TMEM134: variants seen among roughly 807,000 people sequenced by gnomAD.
The protein encoded by TMEM134 is transmembrane protein 134.
TMEM134 carries 36 observed loss-of-function variants against 26.2 expected under a neutral mutation model. The ratio of observed to expected loss-of-function variants is 1.37; its 90% confidence interval spans 1.05 to 1.81. The LOEUF is 1.81. Among genes scored for constraint, TMEM134 ranks in the 40% most tolerant of loss-of-function variants. The probability of loss-of-function intolerance (pLI) is 0.00; values close to 1 mark genes in which losing one functional copy is unlikely to be tolerated. For synonymous variants in TMEM134, 133 were observed against 113.6 expected (o/e 1.17, Z -1.08); for missense variants, 339 against 263.5 (o/e 1.29, Z -1.98).
In TMEM134 at chr11:67,464,460, AG is replaced by A. The variant is rs1002885028; in HGVS notation, c.*153del. 28 of 742,070 alleles carry A rather than the reference AG, an allele frequency of 3.8e-5. 1 individual carries two copies. The South Asian group carries it at 3.9e-4, about 10-fold the overall frequency. The allele number at this position is 742,070 out of a possible 1,614,324, so 46.0% of individuals were successfully genotyped here. ...AGAGCAGGCGACGGGCGGCTTTCCC[AG>A]GGCCAGGCCTGCATGCCCCGAACTT... On this transcript the variant is annotated 3_prime_UTR_variant, in exon 7 of 7. Transcript: ENST00000308022.
At chr11:67,465,274 A>G in intron 4 of TMEM134, 174 bp from the exon 5 acceptor site, 1 of 1,442,914 alleles carries the variant, frequency 6.9e-7, no homozygotes, top group Non-Finnish European at 9.1e-7. Context: ...GGCCCTGGGA[A>G]GTGTGTGAAA....
chr11:67,467,717 T>C, intron 2 of TMEM134, 127 bp from the exon 3 acceptor site: 1 of 912,394 alleles, frequency 1.1e-6, no homozygotes. Flanking sequence ...TAGTGGGCCC[T>C]GAGAGGCCTC....
rs1299652694 is a variant in TMEM134 at position 67,469,164 on chromosome 11, A to G, written c.29T>C (p.Ile10Thr). MSAARPQFSIDDAFELSLED... is the reference protein window; with the variant it reads MSAARPQFSTDDAFELSLED... ...CAGGGACAGCTCGAAGGCATCATCA[A>G]TGCTGAACTGGGGCCGGGCGGCGCT... The change falls in exon 1 of 7, where the codon ATT (isoleucine) becomes ACT (threonine). Residue 10 changes from isoleucine to threonine, a missense_variant. By Grantham distance (89) the Ile-to-Thr change is moderately conservative. Coordinates refer to ENST00000308022, the MANE Select transcript of TMEM134 (RefSeq NM_025124.4). 6 of 1,408,606 alleles carry G rather than the reference A, an allele frequency of 4.3e-6. No homozygotes were observed. Among genetic ancestry groups the G allele is most frequent in the East Asian group, 6.2e-5 (2 of 32,442 alleles). 87.3% of individuals were successfully genotyped at this position (1,408,606 alleles called of 1,614,324 possible).
intron 4 of TMEM134, 146 bp from the exon 5 acceptor site, chr11:67,465,246 A>C: frequency 6.6e-7 from 1 of 1,518,276 alleles, no homozygotes; most frequent in Non-Finnish European, 8.8e-7. Context: ...CTCTGTTTCC[A>C]GAGCAAGGCA....
At position 67,464,612 on chromosome 11, in the gene TMEM134, G is replaced by T; in HGVS notation, c.*2C>A. 1 of 1,552,014 alleles carries T rather than the reference G, an allele frequency of 6.4e-7. No individual in the cohort carries two copies. The highest frequency in any genetic ancestry group is 8.7e-7 in the Non-Finnish European group (1 of 1,147,144). On this transcript the variant is annotated 3_prime_UTR_variant, in exon 7 of 7. Transcript: ENST00000308022. Reference sequence around the variant, plus strand: ...GCGCAAGGGGTCCACGCTGCGCCGCGATCACTTCTCGAAGTAGGGCAGGTA... The same window carrying T: ...GCGCAAGGGGTCCACGCTGCGCCGCTATCACTTCTCGAAGTAGGGCAGGTA...
Position 67,462,193 on chromosome 11 carries a change from A to C in TMEM134, c.*2421T>G, listed in dbSNP as rs1280854260. 6.7e-6 allele frequency: 1 copy of C among 149,188 alleles called. No homozygotes were observed. The highest frequency in any genetic ancestry group is 1.5e-5 in the Non-Finnish European group (1 of 67,524). The allele number at this position is 149,188 out of a possible 1,614,324, so 9.2% of individuals were successfully genotyped here. A position where few individuals can be genotyped will look rare whatever the true frequency, so the allele number is the denominator to read the frequency against. ...AAAAAAAAACAAAAAAAAAAAAAAC[A>C]AGGAGTAAAAAGTTGTTAGCTGCGA... On this transcript the variant is annotated 3_prime_UTR_variant, in exon 7 of 7. Coordinates refer to ENST00000308022, the MANE Select transcript of TMEM134 (RefSeq NM_025124.4).
At chr11:67,467,060 T>G in intron 4 of TMEM134, 1 of 575,292 alleles carries the variant, frequency 1.7e-6, no homozygotes, top group Non-Finnish European at 3.1e-6. Flanking sequence ...CAGGTTAAAT[T>G]TTTTAAAAAA....
In TMEM134 at chr11:67,469,031, C is replaced by A; in HGVS notation, c.162G>T (p.Arg54=). The A allele has an allele frequency of 6.6e-7, 1 of 1,510,558 alleles. No homozygotes were observed. Among genetic ancestry groups the A allele is most frequent in the Non-Finnish European group, 8.8e-7 (1 of 1,131,136 alleles). 93.6% of individuals were successfully genotyped at this position (1,510,558 alleles called of 1,614,324 possible). A position where few individuals can be genotyped will look rare whatever the true frequency, so the allele number is the denominator to read the frequency against. Residue 54 remains arginine, a synonymous_variant, in exon 1 of 7, where the codon CGG becomes CGT. Coordinates refer to ENST00000308022, the MANE Select transcript of TMEM134 (RefSeq NM_025124.4). ...CCGGGCGGTTCACCTGGTAGCGCAG[C>A]CGGGACTGCTTGTCCTCGTCAGCCA... ...FEVADEDKQS[R]LRYQNLENDE...
rs1865038964 is a variant in TMEM134 at position 67,462,225 on chromosome 11, G to C, written c.*2389C>G. 6.7e-6 allele frequency: 1 copy of C among 150,270 alleles called. No homozygotes were observed. Among genetic ancestry groups the C allele is most frequent in the Non-Finnish European group, 1.5e-5 (1 of 67,706 alleles). The allele number at this position is 150,270 out of a possible 1,614,324, so 9.3% of individuals were successfully genotyped here. A position where few individuals can be genotyped will look rare whatever the true frequency, so the allele number is the denominator to read the frequency against. On this transcript the variant is annotated 3_prime_UTR_variant, in exon 7 of 7. Coordinates refer to ENST00000308022, the MANE Select transcript of TMEM134 (RefSeq NM_025124.4). ...AAAAAGTTGTTAGCTGCGATTCTGT[G>C]TTAATTGCCTGTTTGTTCATATTCA... is the stretch of plus-strand genomic sequence containing the variant.
At chr11:67,468,774 G>A (rs1172001807) in intron 1 of TMEM134, among the ~76,000 whole-genome samples, 1 of 152,214 alleles carries the variant, frequency 6.6e-6, no homozygotes, top group African/African-American at 2.4e-5. Flanking sequence ...TTCCCCAGCT[G>A]GAGCTGAGGG....
rs1865144139 is a variant in TMEM134 at position 67,464,820 on chromosome 11, A to G, written c.488T>C (p.Leu163Pro). The G allele has an allele frequency of 1.9e-6, 3 of 1,609,928 alleles. No individual in the cohort carries two copies. Among genetic ancestry groups the G allele is most frequent in the Non-Finnish European group, 2.5e-6 (3 of 1,179,566 alleles). Residue 163 changes from leucine (L) to proline (P), a missense_variant, in exon 6 of 7, where the codon CTG (leucine) becomes CCG (proline). Coordinates refer to ENST00000308022, the MANE Select transcript of TMEM134 (RefSeq NM_025124.4). ...SSAIFFVPGF[L>P]LLVPGVYHVI... ...GCTCGCACCTCCAGGCACCAACAAC[A>G]GGAAGCCCGGCACGAAGAAGATGGC...
Position 67,465,037 on chromosome 11 carries a change from G to A in TMEM134, c.451+19C>T, listed in dbSNP as rs369830970. Reference sequence around the variant, plus strand: ...AGACAGGGGTGTCCTCTGCCTGTGGGGGCGGGAGGGTCGCTCACCTGGAGA... The same window carrying A: ...AGACAGGGGTGTCCTCTGCCTGTGGAGGCGGGAGGGTCGCTCACCTGGAGA... On this transcript the variant is annotated intron_variant, in intron 5 of 6. Transcript: ENST00000308022. 6.4e-7 allele frequency: 1 copy of A among 1,561,688 alleles called. No homozygotes were observed. The highest frequency in any genetic ancestry group is 1.4e-5 in the African/African-American group (1 of 73,980).
chr11:67,464,637 A>T lies in TMEM134; in HGVS notation c.565T>A (p.Tyr189Asn). ...GATCACTTCTCGAAGTAGGGCAGGT[A>T]GAAGAACTGGAAGCCCCGGTGGCCC... Reference protein sequence around the residue: ...VKGHRGFQFFYLPYFEK With the variant: ...VKGHRGFQFFNLPYFEK The change falls in exon 7 of 7, where the codon TAC becomes AAC. Residue 189 changes from tyrosine (Y) to asparagine (N), a missense_variant. Tyr to Asn is a moderately radical substitution (Grantham distance 143). Coordinates refer to ENST00000308022, the MANE Select transcript of TMEM134 (RefSeq NM_025124.4). 6.4e-7 allele frequency: 1 copy of T among 1,552,666 alleles called. No homozygotes were observed. The highest frequency in any genetic ancestry group is 8.7e-7 in the Non-Finnish European group (1 of 1,147,592).
At position 67,464,826 on chromosome 11, in the gene TMEM134, C is replaced by T; in HGVS notation, c.482G>A (p.Gly161Asp). Residue 161 changes from glycine to aspartate, a missense_variant, in exon 6 of 7, where the codon GGC (glycine) becomes GAC (aspartate). Physicochemically the swap from Gly to Asp is moderately conservative, Grantham distance 94 (BLOSUM62 -1). Coordinates refer to ENST00000308022, the MANE Select transcript of TMEM134 (RefSeq NM_025124.4). The part of the protein sequence containing the change: ...GVSSAIFFVP[G>D]FLLLVPGVYH... ...ACCTCCAGGCACCAACAACAGGAAG[C>T]CCGGCACGAAGAAGATGGCGCTGGA... is the stretch of plus-strand genomic sequence containing the variant. The T allele has an allele frequency of 5.6e-6, 9 of 1,610,320 alleles. No individual in the cohort carries two copies. Among genetic ancestry groups the T allele is most frequent in the Admixed American group, 3.3e-5 (2 of 59,966 alleles).
intron 1 of TMEM134, chr11:67,468,333 C>T (rs933236838): frequency 9.4e-5 from 51 of 540,204 alleles, no homozygotes; most frequent in Admixed American, 3.9e-4. Flanking sequence ...GGAGAGCTCC[C>T]AACTTTGGGT....
chr11:67,469,240 A>C lies in TMEM134; in HGVS notation c.-48T>G. 1 of 1,235,772 alleles carries C rather than the reference A, an allele frequency of 8.1e-7. No homozygotes were observed. Among genetic ancestry groups the C allele is most frequent in the East Asian group, 3.2e-5 (1 of 31,278 alleles). 76.6% of individuals were successfully genotyped at this position (1,235,772 alleles called of 1,614,324 possible). A position where few individuals can be genotyped will look rare whatever the true frequency, so the allele number is the denominator to read the frequency against. ...GTGCGCCGCCGCCATCTGCGCCCAC[A>C]CACCCAGCGTCGCCGCTGCCCCGCC... is the stretch of plus-strand genomic sequence containing the variant. On this transcript the variant is annotated 5_prime_UTR_variant, in exon 1 of 7. Coordinates refer to ENST00000308022, the MANE Select transcript of TMEM134 (RefSeq NM_025124.4).
At position 67,464,212 on chromosome 11, in the gene TMEM134, G is replaced by C. The variant is rs572514231; in HGVS notation, c.*402C>G. ...TGCCCCTAACATGCCCCGTGCCCTT[G>C]GGCAAGCCTCAGCATCAGGGCTGCC... On this transcript the variant is annotated 3_prime_UTR_variant, in exon 7 of 7. Coordinates refer to ENST00000308022, the MANE Select transcript of TMEM134 (RefSeq NM_025124.4). 3.3e-6 allele frequency: 1 copy of C among 299,760 alleles called. No homozygotes were observed. The highest frequency in any genetic ancestry group is 5.1e-5 in the Admixed American group (1 of 19,788). 18.6% of individuals were successfully genotyped at this position (299,760 alleles called of 1,614,324 possible). A position where few individuals can be genotyped will look rare whatever the true frequency, so the allele number is the denominator to read the frequency against.
rs934520209 is a variant in TMEM134 at position 67,468,244 on chromosome 11, G to A, written c.175-152C>T. ...CTGCCCTCCCCGCAGAACGGGTTTG[G>A]TGATTCACAGAAACCAGGTAGGAGG... On this transcript the variant is annotated intron_variant, in intron 1 of 6. Coordinates refer to ENST00000308022, the MANE Select transcript of TMEM134 (RefSeq NM_025124.4). 11 of 685,484 alleles carry A rather than the reference G, an allele frequency of 1.6e-5. No individual in the cohort carries two copies. In the East Asian group the frequency reaches 2.7e-4, roughly 17 times the overall value. 42.5% of individuals were successfully genotyped at this position (685,484 alleles called of 1,614,324 possible).
At chr11:67,468,261 G>C (rs1216885559) in intron 1 of TMEM134, 169 bp from the exon 2 acceptor site, 19 of 639,112 alleles carry the variant, frequency 3.0e-5, no homozygotes, top group Non-Finnish European at 3.6e-5. Context: ...ACAGAAACCA[G>C]GTAGGAGGTG....
Sources: gnomAD v4.1 joint callset for allele counts (sites outside exome capture counted in the v4.1 genomes callset) on GRCh38, gnomAD v4.1.1 for gene constraint, MANE v1.5 for transcripts, NCBI Gene and HGNC (gene_info 2026-07-23, HGNC 2026-07-21) for gene names.